SCFD2: variants seen among roughly 807,000 people sequenced by gnomAD.
SCFD2 encodes sec1 family domain-containing protein 2.
Under a neutral mutation model 58.9 loss-of-function variants are expected in SCFD2, and 54 were observed. That is an observed-to-expected ratio of 0.92 (90% confidence interval 0.74 to 1.15). The LOEUF (loss-of-function observed/expected upper bound fraction) is 1.15, where lower values mean the gene tolerates loss of function less well. Among genes scored for constraint, SCFD2 ranks in the 50% most tolerant of loss-of-function variants. SCFD2 has a pLI of 0.00. For synonymous variants in SCFD2, 321 were observed against 335.9 expected, an observed-to-expected ratio of 0.96 and a Z score of 0.49; for missense variants, 805 against 836.6, an observed-to-expected ratio of 0.96 and a Z score of 0.47.
At chr4:53,197,690 T>G (rs1215041019) in intron 4 of SCFD2, among the ~76,000 whole-genome samples, 1 of 149,844 alleles carries the variant, frequency 6.7e-6, no homozygotes, top group Non-Finnish European at 1.5e-5. Context: ...GCATGAAGAC[T>G]TCTCCAATTG....
chr4:53,353,471 C>T (rs141668121), intron 1 of SCFD2, among the ~76,000 whole-genome samples: 3 of 152,318 alleles, frequency 2.0e-5, no homozygotes, highest in African/African-American at 7.2e-5. Context: ...GTTGCCACTG[C>T]TGTCTCGGGC....
chr4:53,038,213 G>A (rs1722811334), intron 5 of SCFD2, among the ~76,000 whole-genome samples: 1 of 152,150 alleles, frequency 6.6e-6, no homozygotes, highest in African/African-American at 2.4e-5. Context: ...ACGAATACAA[G>A]TCTAGAAGAA....
intron 3 of SCFD2, among the ~76,000 whole-genome samples, chr4:53,302,506 A>T (rs369161869): frequency 6.6e-6 from 1 of 152,074 alleles, no homozygotes; most frequent in Non-Finnish European, 1.5e-5. Context: ...AATCAATATC[A>T]TGAAAATGGC....
At chr4:53,237,392 C>T (rs1231119144) in intron 4 of SCFD2, among the ~76,000 whole-genome samples, 1 of 150,586 alleles carries the variant, frequency 6.6e-6, no homozygotes, top group Non-Finnish European at 1.5e-5. Context: ...GGCAGACGGG[C>T]TCCTCACTTC....
chr4:52,931,525 G>A (rs540514889), intron 5 of SCFD2, among the ~76,000 whole-genome samples: 100 of 152,286 alleles, frequency 6.6e-4, no homozygotes, highest in African/African-American at 2.0e-3. Context: ...ACCCCCCTCC[G>A]CCTCCGGGTG....
chr4:53,051,482 AC>A (rs1723190075), intron 5 of SCFD2, among the ~76,000 whole-genome samples: 1 of 152,134 alleles, frequency 6.6e-6, no homozygotes, highest in Admixed American at 6.6e-5. Context: ...GTGTGGAGCC[AC>A]CTAGGGGAAG....
chr4:53,294,607 T>C (rs1374557673), intron 3 of SCFD2, among the ~76,000 whole-genome samples: 1 of 152,210 alleles, frequency 6.6e-6, no homozygotes, highest in African/African-American at 2.4e-5. Flanking sequence ...ACTCTGATGA[T>C]AGTTTTTCTT....
chr4:53,360,726 A>C (rs1054497957), intron 1 of SCFD2, among the ~76,000 whole-genome samples: 1 of 152,236 alleles, frequency 6.6e-6, no homozygotes, highest in African/African-American at 2.4e-5. Flanking sequence ...TTTTGAATTT[A>C]ATTATTCAAC....
chr4:52,890,276 C>T (rs1310968571), intron 7 of SCFD2, among the ~76,000 whole-genome samples: 9 of 152,088 alleles, frequency 5.9e-5, no homozygotes, highest in African/African-American at 1.7e-4. Context: ...GATGTATTGA[C>T]AGATGAAAAG....
chr4:53,281,197 T>C (rs567662701), intron 3 of SCFD2, among the ~76,000 whole-genome samples: 1 of 152,378 alleles, frequency 6.6e-6, no homozygotes, highest in Admixed American at 6.5e-5. Flanking sequence ...AAGTTCTATA[T>C]ATGCTGTAAC....
At chr4:53,203,997 T>C (rs1331501486) in intron 4 of SCFD2, among the ~76,000 whole-genome samples, 1 of 152,150 alleles carries the variant, frequency 6.6e-6, no homozygotes, top group Non-Finnish European at 1.5e-5. Context: ...TTCTTCTATG[T>C]GTCTCCCAGA....
At chr4:52,933,443 C>A (rs1720050713) in intron 5 of SCFD2, among the ~76,000 whole-genome samples, 1 of 152,194 alleles carries the variant, frequency 6.6e-6, no homozygotes, top group African/African-American at 2.4e-5. Flanking sequence ...TTTAGGGCTT[C>A]TAGGCTTTCA....
At chr4:53,250,089 T>G (rs1202354063) in intron 4 of SCFD2, among the ~76,000 whole-genome samples, 1 of 151,750 alleles carries the variant, frequency 6.6e-6, no homozygotes, top group African/African-American at 2.4e-5. Flanking sequence ...AGGCTCAAAA[T>G]AAAAGGATGG....
chr4:53,219,559 G>T (rs766912105), intron 4 of SCFD2, among the ~76,000 whole-genome samples: 2 of 152,114 alleles, frequency 1.3e-5, no homozygotes, highest in South Asian at 4.1e-4. Context: ...CTAGGAAAGG[G>T]AATTCCCTGA....
At chr4:52,951,231 T>G (rs1720585524) in intron 5 of SCFD2, among the ~76,000 whole-genome samples, 1 of 152,192 alleles carries the variant, frequency 6.6e-6, no homozygotes, top group African/African-American at 2.4e-5. Flanking sequence ...CTGCTGAGTA[T>G]TAGCAATGTT....
chr4:53,083,915 G>A (rs1394260753), intron 5 of SCFD2, among the ~76,000 whole-genome samples: 1 of 152,148 alleles, frequency 6.6e-6, no homozygotes, highest in Non-Finnish European at 1.5e-5. Context: ...CAGGGAACAG[G>A]ACAAAGGGCA....
chr4:53,354,019 G>A (rs1030045410), intron 1 of SCFD2, among the ~76,000 whole-genome samples: 14 of 152,252 alleles, frequency 9.2e-5, no homozygotes, highest in East Asian at 3.9e-4. Context: ...AGCTAGCTTC[G>A]CCTAGTGGAT....
At chr4:53,307,088 G>T (rs562701114) in intron 3 of SCFD2, among the ~76,000 whole-genome samples, 1 of 152,310 alleles carries the variant, frequency 6.6e-6, no homozygotes, top group East Asian at 1.9e-4. Flanking sequence ...GCAAAGCCTG[G>T]AAAAGGCAGT....
intron 4 of SCFD2, among the ~76,000 whole-genome samples, chr4:53,245,275 A>T (rs1396725133): frequency 6.6e-6 from 1 of 152,144 alleles, no homozygotes; most frequent in Non-Finnish European, 1.5e-5. Flanking sequence ...AATTATCCTG[A>T]TAGAAAAACC....
Sources: allele counts gnomAD v4.1 joint callset (sites outside exome capture counted in the v4.1 genomes callset), GRCh38; gene constraint gnomAD v4.1.1; transcripts MANE v1.5; gene names NCBI Gene and HGNC (gene_info 2026-07-23, HGNC 2026-07-21).